The following NEGR1 variants were observed in gnomAD, a reference collection of about 807,000 sequenced individuals.
The protein encoded by NEGR1 is neuronal growth regulator 1.
NEGR1 carries 10 observed loss-of-function variants against 40.9 expected under a neutral mutation model. That is an observed-to-expected ratio of 0.24 (90% CI 0.15 to 0.42). The LOEUF (loss-of-function observed/expected upper bound fraction) is 0.42. Ranked by LOEUF, NEGR1 falls within the 10% of genes least tolerant of loss-of-function variation. The pLI is 1.00. For synonymous variants in NEGR1, 185 were observed against 166.8 expected, an observed-to-expected ratio of 1.11 and a Z score of -0.84; for missense variants, 352 against 438.9, an observed-to-expected ratio of 0.80 and a Z score of 1.77.
chr1:72,186,403 A>G (rs1652613616), intron 1 of NEGR1, among the ~76,000 whole-genome samples: 1 of 151,694 alleles, frequency 6.6e-6, no homozygotes, highest in Non-Finnish European at 1.5e-5. Context: ...ATCTTTAATT[A>G]TGATGCATCT....
rs79853790 is a variant in NEGR1 at position 71,419,156 on chromosome 1, G to A, written c.941-11586C>T. 1.4e-4 allele frequency among the ~76,000 whole-genome samples: 22 copies of A among 152,180 alleles called. No individual in the cohort carries two copies. The East Asian group carries it at 4.0e-3, about 28-fold the overall frequency. On this transcript the variant is annotated intron_variant, in intron 6 of 6. Transcript: ENST00000357731. ...CTTTCCCTTCTTCCCTATTTTATTT[G>A]TTCCAGTCACCCACCAGTGTTCCAA...
intron 1 of NEGR1, among the ~76,000 whole-genome samples, chr1:72,223,830 C>G (rs2100487055): frequency 6.6e-6 from 1 of 152,146 alleles, no homozygotes; most frequent in African/African-American, 2.4e-5. Context: ...TTTAAAATAT[C>G]GAGAATAAAT....
At chr1:71,998,648 C>T (rs1014127682) in intron 1 of NEGR1, among the ~76,000 whole-genome samples, 3 of 151,734 alleles carry the variant, frequency 2.0e-5, no homozygotes, top group African/African-American at 7.2e-5. Context: ...GAAGTCATAA[C>T]CTCCACATTT....
chr1:71,852,673 C>T (rs1022037865), intron 2 of NEGR1, among the ~76,000 whole-genome samples: 2 of 151,676 alleles, frequency 1.3e-5, no homozygotes, highest in East Asian at 1.9e-4. Flanking sequence ...GAGTATTACA[C>T]CTTTGTAATT....
At chr1:71,427,000 T>G (rs1210428212) in intron 6 of NEGR1, among the ~76,000 whole-genome samples, 1 of 152,166 alleles carries the variant, frequency 6.6e-6, no homozygotes, top group Non-Finnish European at 1.5e-5. Context: ...TCATCTATAT[T>G]TTAGCTTTCA....
At chr1:72,107,588 T>C (rs1649188361) in intron 1 of NEGR1, among the ~76,000 whole-genome samples, 1 of 151,600 alleles carries the variant, frequency 6.6e-6, no homozygotes, top group African/African-American at 2.4e-5. Context: ...TTAAAAAATG[T>C]TTTGTTATCC....
At chr1:71,717,743 G>A (rs1276889395) in intron 3 of NEGR1, among the ~76,000 whole-genome samples, 4 of 152,160 alleles carry the variant, frequency 2.6e-5, no homozygotes, top group Non-Finnish European at 4.4e-5. Context: ...AACTATATTT[G>A]CTGGTAGGGT....
chr1:71,685,535 T>G (rs1653002994), intron 4 of NEGR1, among the ~76,000 whole-genome samples: 1 of 152,196 alleles, frequency 6.6e-6, no homozygotes, highest in Non-Finnish European at 1.5e-5. Context: ...TTGGCCAGCC[T>G]GCTCTTGAAC....
chr1:71,592,784 C>T, intron 6 of NEGR1, 33 bp downstream of exon 6: 1 of 1,584,014 alleles, frequency 6.3e-7, no homozygotes. Flanking sequence ...CCAGAGGCCC[C>T]TGGAAGCATT....
chr1:71,991,782 ATTTGTTTG>A (rs570471295), intron 1 of NEGR1, among the ~76,000 whole-genome samples: 11 of 151,786 alleles, frequency 7.2e-5, no homozygotes, highest in African/African-American at 1.9e-4. Flanking sequence ...TGAGTATAGT[ATTTGTTTG>A]TTTGTTTGTT....
chr1:71,798,374 G>C (rs1657417888), intron 2 of NEGR1: 1 of 152,000 alleles, frequency 6.6e-6, no homozygotes, highest in Non-Finnish European at 1.5e-5. Context: ...AATGACTAAA[G>C]AGTAAGCAAA....
At chr1:71,895,447 C>T (rs1660944580) in intron 2 of NEGR1, among the ~76,000 whole-genome samples, 3 of 152,204 alleles carry the variant, frequency 2.0e-5, no homozygotes, top group Admixed American at 2.0e-4. Flanking sequence ...TTAGTACCTA[C>T]TCCTCATTCA....
chr1:72,054,035 C>A (rs1171757386), intron 1 of NEGR1, among the ~76,000 whole-genome samples: 2 of 151,160 alleles, frequency 1.3e-5, no homozygotes, highest in African/African-American at 2.4e-5. Context: ...AGGATCTAAA[C>A]CTGCTAGACT....
chr1:71,729,580 G>T (rs1654785579), intron 3 of NEGR1, among the ~76,000 whole-genome samples: 1 of 152,078 alleles, frequency 6.6e-6, no homozygotes, highest in Non-Finnish European at 1.5e-5. Flanking sequence ...AAATCTAAGA[G>T]ATTTGCATTG....
intron 6 of NEGR1, among the ~76,000 whole-genome samples, chr1:71,564,950 T>C (rs955141067): frequency 4.6e-5 from 7 of 152,120 alleles, no homozygotes; most frequent in South Asian, 2.1e-4. Context: ...TTTTCTACTA[T>C]GTATCATACT....
chr1:71,779,950 G>A (rs1475647844), intron 2 of NEGR1, among the ~76,000 whole-genome samples: 1 of 148,260 alleles, frequency 6.7e-6, no homozygotes, highest in African/African-American at 2.5e-5. Flanking sequence ...GATAACAATT[G>A]TCAGCTCTGT....
At chr1:71,878,549 T>C (rs1660496468) in intron 2 of NEGR1, among the ~76,000 whole-genome samples, 1 of 152,230 alleles carries the variant, frequency 6.6e-6, no homozygotes, top group Non-Finnish European at 1.5e-5. Context: ...GAAAAACTAT[T>C]TTTCATCATA....
chr1:72,041,658 T>C (rs72939626), intron 1 of NEGR1, among the ~76,000 whole-genome samples: 3,436 of 150,138 alleles, frequency 0.023, 140 homozygotes, highest in African/African-American at 0.077. Context: ...TATAAAATGA[T>C]TTTTGTTGAA....
At chr1:72,282,198 G>A in intron 1 of NEGR1, 121 bp downstream of exon 1, 2 of 1,168,016 alleles carry the variant, frequency 1.7e-6, no homozygotes, top group Non-Finnish European at 2.4e-6. Flanking sequence ...CTTGGGATGT[G>A]GTCTTTCCAT....
Sources: allele counts gnomAD v4.1 joint callset (sites outside exome capture counted in the v4.1 genomes callset), GRCh38; gene constraint gnomAD v4.1.1; transcripts MANE v1.5; gene names NCBI Gene and HGNC (gene_info 2026-07-23, HGNC 2026-07-21).